WDR41: variants seen among roughly 807,000 people sequenced by gnomAD.
WDR41 encodes the protein WD repeat domain 41.
A neutral mutation model predicts 69.3 loss-of-function variants in WDR41; 63 were observed. The observed-to-expected ratio is 0.91, with a 90% CI of 0.74 to 1.12. The LOEUF (loss-of-function observed/expected upper bound fraction) is 1.12, where lower values mean the gene tolerates loss of function less well. Ranked by LOEUF, WDR41 falls within the 50% of genes most tolerant of loss-of-function variation. WDR41 has a pLI of 0.00. For synonymous variants in WDR41, 185 were observed against 192.1 expected (o/e 0.96, Z 0.31); for missense variants, 543 against 534.5 (o/e 1.02, Z -0.16).
intron 8 of WDR41, among the ~76,000 whole-genome samples, chr5:77,441,218 T>A (rs901783030): frequency 2.0e-5 from 3 of 152,110 alleles, no homozygotes; most frequent in Admixed American, 6.5e-5. Context: ...GCATTTCATT[T>A]CAGTAAAGAA....
intron 1 of WDR41, among the ~76,000 whole-genome samples, chr5:77,515,488 AT>A (rs533245377): frequency 0.018 from 2,761 of 152,104 alleles, 32 homozygotes; most frequent in Middle Eastern, 0.062. Flanking sequence ...TACAGTTAAC[AT>A]TTTTTTTATA....
intron 8 of WDR41, among the ~76,000 whole-genome samples, chr5:77,444,550 T>A (rs1799300988): frequency 6.6e-6 from 1 of 152,238 alleles, no homozygotes; most frequent in Non-Finnish European, 1.5e-5. Flanking sequence ...TTGTTGGTAT[T>A]CTCTCATACA....
At position 77,571,685 on chromosome 5, in the gene WDR41, C is replaced by CTAAGA. The variant is rs200724923; in HGVS notation, c.42+48793_42+48794insTCTTA. The stretch of plus-strand genomic sequence containing the variant: ...GGCTGGATTCTTAGCTCACAGAGAG[C>CTAAGA]ACTCTCTTCCTCCATGGTAGATTCT... On this transcript the variant is annotated intron_variant, in intron 1 of 5. Coordinates refer to the WDR41 transcript ENST00000509971. Among the ~76,000 whole-genome samples the CTAAGA allele has an allele frequency of 5.3e-3, 807 of 152,242 alleles. 2 individuals carry two copies. Among genetic ancestry groups the CTAAGA allele is most frequent in the African/African-American group, 0.019 (778 of 41,534 alleles).
chr5:77,442,860 C>G (rs548542105), intron 8 of WDR41, among the ~76,000 whole-genome samples: 105 of 120,070 alleles, frequency 8.7e-4, no homozygotes, highest in Middle Eastern at 0.014. Context: ...CCACTGCCCT[C>G]CAGCCTGGGC....
At chr5:77,471,454 C>CTG (rs1800604974) in intron 2 of WDR41, among the ~76,000 whole-genome samples, 1 of 151,958 alleles carries the variant, frequency 6.6e-6, no homozygotes, top group Non-Finnish European at 1.5e-5. Flanking sequence ...AATAGAGACA[C>CTG]AAAAAACCCT....
Position 77,464,745 on chromosome 5 carries a change from C to A in WDR41, c.216+16G>T. On this transcript the variant is annotated intron_variant, in intron 3 of 12. Transcript: ENST00000296679. ...TCATATCTTTATCACACAATCCACA[C>A]ATAATCAATACACACCTGGGCATTC... is the stretch of plus-strand genomic sequence containing the variant. The A allele has an allele frequency of 3.7e-6, 6 of 1,612,910 alleles. No individual in the cohort carries two copies. Among genetic ancestry groups the A allele is most frequent in the Non-Finnish European group, 5.1e-6 (6 of 1,179,128 alleles).
At position 77,590,497 on chromosome 5, in the gene WDR41, G is replaced by T. The variant is rs184296758; in HGVS notation, c.42+29982C>A. Among the ~76,000 whole-genome samples, 16 of 152,316 alleles carry T rather than the reference G, an allele frequency of 1.1e-4. 1 individual carries two copies. In the East Asian group the frequency reaches 2.9e-3, roughly 28 times the overall value. On this transcript the variant is annotated intron_variant, in intron 1 of 5. Coordinates refer to the WDR41 transcript ENST00000509971. ...CAAAGCAGCCTTACAAGCCTCGAAG[G>T]ATAGGGCTTCCCACAGATACCTTTA... is the stretch of plus-strand genomic sequence containing the variant.
intron 1 of WDR41, among the ~76,000 whole-genome samples, chr5:77,564,378 ACT>A (rs1743581839): frequency 1.3e-5 from 2 of 152,038 alleles, no homozygotes; most frequent in Admixed American, 6.6e-5. Context: ...ACATATTAAG[ACT>A]CTGTCTATAT....
At chr5:77,615,687 C>CAAAAAAAAA (rs10695519) in intron 1 of WDR41, among the ~76,000 whole-genome samples, 5 of 79,390 alleles carry the variant, frequency 6.3e-5, no homozygotes, top group East Asian at 4.5e-4. Context: ...TACTGCAAGT[C>CAAAAAAAAA]AAAAAAAAAA....
intron 1 of WDR41, among the ~76,000 whole-genome samples, chr5:77,578,007 C>T (rs549318107): frequency 5.9e-5 from 9 of 152,118 alleles, no homozygotes; most frequent in Admixed American, 2.6e-4. Flanking sequence ...AGCACTGTCC[C>T]GAAAATGAAA....
chr5:77,582,962 C>T, intron 1 of WDR41: 2 of 1,607,934 alleles, frequency 1.2e-6, no homozygotes, highest in South Asian at 2.2e-5. Context: ...GAGATCTATA[C>T]TGTTGGAAAA....
intron 9 of WDR41, among the ~76,000 whole-genome samples, chr5:77,439,915 T>C (rs796251897): frequency 6.6e-6 from 1 of 152,212 alleles, no homozygotes; most frequent in East Asian, 1.9e-4. Context: ...ACTGTCTTTA[T>C]CATGTATATT....
chr5:77,492,390 T>C, upstream of WDR41: 1 of 856,036 alleles, frequency 1.2e-6, no homozygotes, highest in Non-Finnish European at 1.7e-6. Context: ...GGGAGAATTT[T>C]TGTCCCCAAA....
chr5:77,608,093 C>T (rs1279534344), intron 1 of WDR41, among the ~76,000 whole-genome samples: 2 of 152,338 alleles, frequency 1.3e-5, no homozygotes, highest in Admixed American at 1.3e-4. Flanking sequence ...CCCCTACAAA[C>T]CCTGGCAATC....
chr5:77,467,156 A>G (rs1050050252), intron 2 of WDR41, among the ~76,000 whole-genome samples: 6 of 151,940 alleles, frequency 3.9e-5, no homozygotes, highest in African/African-American at 1.4e-4. Flanking sequence ...TAAAAAAAGG[A>G]TTAAAATGTC....
intron 1 of WDR41, among the ~76,000 whole-genome samples, chr5:77,518,368 T>C (rs1802323479): frequency 6.6e-6 from 1 of 152,106 alleles, no homozygotes; most frequent in Non-Finnish European, 1.5e-5. Flanking sequence ...TAGGATAATA[T>C]TTTGAACCAT....
intron 1 of WDR41, among the ~76,000 whole-genome samples, chr5:77,501,468 G>T (rs1367984535): frequency 1.3e-5 from 2 of 152,244 alleles, no homozygotes; most frequent in Non-Finnish European, 2.9e-5. Flanking sequence ...ACAAAAGTCA[G>T]CAGACAACTT....
chr5:77,581,179 A>G (rs916038520), intron 1 of WDR41, among the ~76,000 whole-genome samples: 2 of 152,082 alleles, frequency 1.3e-5, no homozygotes, highest in African/African-American at 2.4e-5. Context: ...TTATGCAAAC[A>G]GCAATCACTT....
intron 1 of WDR41, among the ~76,000 whole-genome samples, chr5:77,611,220 C>T (rs1744542564): frequency 6.6e-6 from 1 of 152,024 alleles, no homozygotes; most frequent in Admixed American, 6.6e-5. Flanking sequence ...GACTTTAACA[C>T]CCCACTGTCA....
Sources: allele counts gnomAD v4.1 joint callset (sites outside exome capture counted in the v4.1 genomes callset), GRCh38; gene constraint gnomAD v4.1.1; transcripts MANE v1.5; gene names NCBI Gene and HGNC (gene_info 2026-07-23, HGNC 2026-07-21).